The following CASP9 variants were observed in gnomAD, a reference collection of about 807,000 sequenced individuals.
CASP9 encodes the protein caspase 9, also known as caspase-9.
In CASP9, 29 loss-of-function variants were observed where a neutral mutation model predicts 43.5. The observed-to-expected ratio is 0.67, with a 90% CI of 0.50 to 0.91. CASP9 has a LOEUF of 0.91. CASP9 is among the 40% of genes least tolerant of loss of function. The pLI is 0.00. For synonymous variants in CASP9, 206 were observed against 211.9 expected, an observed-to-expected ratio of 0.97 and a Z score of 0.24; for missense variants, 575 against 537.4, an observed-to-expected ratio of 1.07 and a Z score of -0.69.
At chr1:15,493,291 C>T (rs1398073671) in intron 8 of CASP9, 15 of 1,350,202 alleles carry the variant, frequency 1.1e-5, no homozygotes, top group South Asian at 1.8e-5. Context: ...GCCCCAGCCT[C>T]GCAGCCCCTT....
chr1:15,524,445 AGCC>A, upstream of CASP9: 2 of 1,140,464 alleles, frequency 1.8e-6, no homozygotes, highest in Non-Finnish European at 2.2e-6. Flanking sequence ...CCCAGGGCCA[AGCC>A]TCCCATCACC....
At chr1:15,524,291 G>T, upstream of CASP9, 6 of 1,369,002 alleles carry the variant, frequency 4.4e-6, no homozygotes, top group South Asian at 6.7e-5. Flanking sequence ...CCCCGCCCCA[G>T]GGCCTGCCCC....
intron 6 of CASP9, among the ~76,000 whole-genome samples, chr1:15,497,309 TAAAAAA>T (rs200717519): frequency 2.0e-4 from 20 of 101,770 alleles, no homozygotes; most frequent in Admixed American, 2.3e-4. Flanking sequence ...GGACTCCATC[TAAAAAA>T]AAAAAAAAAA....
rs539409166 is a variant in CASP9 at position 15,498,018 on chromosome 1, G to A, written c.869-2566C>T. Among the ~76,000 whole-genome samples the A allele has an allele frequency of 6.6e-5, 10 of 152,340 alleles. No individual in the cohort carries two copies. The East Asian group carries it at 1.9e-3, about 29-fold the overall frequency. On this transcript the variant is annotated intron_variant, in intron 6 of 8. Transcript: ENST00000333868. ...TGCGTGGTCAAATGAATTTTGAAAA[G>A]GGTGGCAGGACCATTCAGTGGGGAG...
chr1:15,522,494 G>A (rs1217774046), intron 1 of CASP9, among the ~76,000 whole-genome samples: 1 of 152,136 alleles, frequency 6.6e-6, no homozygotes, highest in South Asian at 2.1e-4. Flanking sequence ...AATCACTTGA[G>A]GCCAAGAGTT....
intron 6 of CASP9, among the ~76,000 whole-genome samples, chr1:15,502,089 G>A (rs1483765353): frequency 6.6e-6 from 1 of 152,170 alleles, no homozygotes; most frequent in Non-Finnish European, 1.5e-5. Context: ...GAATCCACAT[G>A]AGACGCAACC....
chr1:15,495,172 C>A, intron 7 of CASP9, 101 bp downstream of exon 7: 1 of 1,113,862 alleles, frequency 9.0e-7, no homozygotes, highest in Non-Finnish European at 1.3e-6. Flanking sequence ...AAAGACAGAA[C>A]CAGGACTCAT....
At chr1:15,512,853 G>A (rs1709810641) in intron 2 of CASP9, among the ~76,000 whole-genome samples, 1 of 152,116 alleles carries the variant, frequency 6.6e-6, no homozygotes, top group Non-Finnish European at 1.5e-5. Flanking sequence ...CTCCATCACT[G>A]CCTCATAAAG....
At chr1:15,519,164 C>T (rs1001440705) in intron 1 of CASP9, among the ~76,000 whole-genome samples, 1 of 151,688 alleles carries the variant, frequency 6.6e-6, no homozygotes, top group Admixed American at 6.6e-5. Flanking sequence ...CATGAGCCAC[C>T]GTGGCCAGCC....
chr1:15,502,778 A>G (rs2103342032), intron 6 of CASP9, among the ~76,000 whole-genome samples: 1 of 152,336 alleles, frequency 6.6e-6, no homozygotes, highest in Admixed American at 6.5e-5. Context: ...CTGCATTCCT[A>G]ATTCCCCTGC....
intron 1 of CASP9, among the ~76,000 whole-genome samples, chr1:15,519,356 T>C: frequency 6.6e-6 from 1 of 152,130 alleles, no homozygotes; most frequent in East Asian, 1.9e-4. Flanking sequence ...ATGTTTGTAT[T>C]TTTTGGTTAA....
At chr1:15,507,609 C>T (rs1709575852) in intron 3 of CASP9, among the ~76,000 whole-genome samples, 1 of 152,224 alleles carries the variant, frequency 6.6e-6, no homozygotes, top group African/African-American at 2.4e-5. Flanking sequence ...GAGAGAGTGG[C>T]GACTTGGTCT....
At chr1:15,504,060 C>T (rs1188140969) in intron 6 of CASP9, among the ~76,000 whole-genome samples, 1 of 152,190 alleles carries the variant, frequency 6.6e-6, no homozygotes, top group Non-Finnish European at 1.5e-5. Flanking sequence ...GTTGCCCAGG[C>T]TGGTCTCGAA....
intron 6 of CASP9, among the ~76,000 whole-genome samples, chr1:15,496,815 GC>G (rs1455464186): frequency 6.6e-6 from 1 of 151,314 alleles, no homozygotes; most frequent in Non-Finnish European, 1.5e-5. Context: ...GATCCCTTGA[GC>G]CCAGGAGTTC....
At chr1:15,521,375 G>C (rs567441672) in intron 1 of CASP9, among the ~76,000 whole-genome samples, 1 of 151,880 alleles carries the variant, frequency 6.6e-6, no homozygotes, top group Non-Finnish European at 1.5e-5. Flanking sequence ...ATGCCTGCCC[G>C]CAGTCATCCG....
chr1:15,509,195 T>C (rs886389942), intron 2 of CASP9, among the ~76,000 whole-genome samples: 1 of 152,140 alleles, frequency 6.6e-6, no homozygotes, highest in East Asian at 1.9e-4. Context: ...TTTCACCTAT[T>C]ATACTTCCAC....
chr1:15,512,711 T>C (rs11587521), intron 2 of CASP9, among the ~76,000 whole-genome samples: 41,532 of 152,018 alleles, frequency 0.27, 6,496 homozygotes, highest in African/African-American at 0.42. Context: ...TATATCTTTC[T>C]ATATATATCC....
At chr1:15,516,160 C>T (rs2103369732) in intron 2 of CASP9, among the ~76,000 whole-genome samples, 1 of 151,384 alleles carries the variant, frequency 6.6e-6, no homozygotes, top group South Asian at 2.1e-4. Flanking sequence ...TGAGATTGCG[C>T]CACTGCACTC....
At chr1:15,524,619 C>T, upstream of CASP9, 1 of 1,001,068 alleles carries the variant, frequency 1.0e-6, no homozygotes, top group Non-Finnish European at 1.2e-6. Flanking sequence ...TACCGTCCCG[C>T]CCGCAGGACG....
Sources: gnomAD v4.1 joint callset for allele counts (sites outside exome capture counted in the v4.1 genomes callset) on GRCh38, gnomAD v4.1.1 for gene constraint, MANE v1.5 for transcripts, NCBI Gene and HGNC (gene_info 2026-07-23, HGNC 2026-07-21) for gene names.